Variants in ARHGEF11 observed in about 807,000 individuals in gnomAD.
The protein encoded by ARHGEF11 is Rho guanine exchange factor (GEF) 11.
Under a neutral mutation model 193.7 loss-of-function variants are expected in ARHGEF11, and 55 were observed. The ratio of observed to expected loss-of-function variants is 0.28; its 90% CI spans 0.23 to 0.36. ARHGEF11 has a LOEUF of 0.36. Ranked by LOEUF, ARHGEF11 falls within the 10% of genes least tolerant of loss-of-function variation. ARHGEF11 has a pLI of 1.00. For missense variants in ARHGEF11, 1,723 were observed against 2,005.6 expected, an observed-to-expected ratio of 0.86 and a Z score of 2.69; for synonymous variants, 693 against 768.0, an observed-to-expected ratio of 0.90 and a Z score of 1.62.
At chr1:156,989,617 C>T (rs928022577) in intron 1 of ARHGEF11, among the ~76,000 whole-genome samples, 4 of 152,184 alleles carry the variant, frequency 2.6e-5, no homozygotes, top group African/African-American at 9.7e-5. Flanking sequence ...TACTCATTCC[C>T]ACCTCTGACT....
intron 37 of ARHGEF11, 180 bp downstream of exon 37, chr1:156,939,368 C>T (rs1417313002): frequency 1.6e-5 from 13 of 797,870 alleles, no homozygotes; most frequent in Admixed American, 8.0e-5. Flanking sequence ...CTCTGAATCT[C>T]GAATGTCCAA....
intron 40 of ARHGEF11, among the ~76,000 whole-genome samples, chr1:156,936,497 A>AAAAAAAAATATAT (rs370282821): frequency 2.9e-5 from 1 of 33,938 alleles, no homozygotes. Flanking sequence ...AAAAAAAAAA[A>AAAAAAAAATATAT]ATATATATAT....
intron 1 of ARHGEF11, among the ~76,000 whole-genome samples, chr1:157,026,118 T>C (rs554685691): frequency 6.6e-6 from 1 of 152,304 alleles, no homozygotes; most frequent in South Asian, 2.1e-4. Context: ...ATGACGTAAG[T>C]ATCATTCTGC....
intron 38 of ARHGEF11, 91 bp from the exon 39 acceptor site, chr1:156,937,587 A>C: frequency 7.3e-7 from 1 of 1,376,136 alleles, no homozygotes; most frequent in Non-Finnish European, 9.8e-7. Context: ...GCCACCTGAC[A>C]GAGCAGGCCA....
At chr1:157,021,297 G>A (rs1009979121) in intron 1 of ARHGEF11, among the ~76,000 whole-genome samples, 11 of 152,174 alleles carry the variant, frequency 7.2e-5, no homozygotes, top group Admixed American at 3.9e-4. Context: ...TCAAGTATGT[G>A]TCAAGTATTT....
At position 156,942,822 on chromosome 1, in the gene ARHGEF11, G is replaced by A. The variant is rs1460526375; in HGVS notation, c.3236-42C>T. On this transcript the variant is annotated intron_variant, in intron 32 of 40. Coordinates refer to ENST00000368194, the MANE Select transcript of ARHGEF11 (RefSeq NM_198236.3). ...AGGTAGAAGGGTCTGTACTAGGGAT[G>A]GCAGGTGTGACTGCAGCCTGGGCCA... The A allele has an allele frequency of 6.4e-6, 10 of 1,563,224 alleles. No individual in the cohort carries two copies. The South Asian group carries it at 7.8e-5, about 12-fold the overall frequency.
chr1:156,938,514 C>A lies in ARHGEF11; in HGVS notation c.4097-1G>T, dbSNP rs1428024163. 10 of 1,612,268 alleles carry A rather than the reference C, an allele frequency of 6.2e-6. No individual in the cohort carries two copies. The highest frequency in any genetic ancestry group is 6.8e-6 in the Non-Finnish European group (8 of 1,178,828). ...ACAACCTTGCTGCCTGCCACCTCAG[C>A]TGCACCGACACCACCACCACCAGGA... On this transcript the variant is annotated splice_acceptor_variant, in intron 37 of 40. Transcript: ENST00000368194. LOFTEE classifies it high-confidence loss of function.
chr1:156,970,600 T>C (rs1412706904), intron 8 of ARHGEF11, among the ~76,000 whole-genome samples: 1 of 152,212 alleles, frequency 6.6e-6, no homozygotes, highest in Non-Finnish European at 1.5e-5. Context: ...AGATCTTAAG[T>C]AACTTGCCCA....
rs1313005505 is a variant in ARHGEF11, at chr1:157,036,148, AATAC to A, written c.32+8147_32+8150del. The stretch of plus-strand genomic sequence containing the variant: ...ATGAAAATATATATATGAATATATG[AATAC>A]ATATATGAATATATATATGAATACA... On this transcript the variant is annotated intron_variant, in intron 1 of 40. Transcript: ENST00000368194. Among the ~76,000 whole-genome samples the A allele has an allele frequency of 1.8e-4, 26 of 144,286 alleles. No individual in the cohort carries two copies. In the East Asian group the frequency reaches 5.0e-3, roughly 28 times the overall value. 94.7% of individuals were successfully genotyped at this position (144,286 alleles called of 152,430 possible). A position where few individuals can be genotyped will look rare whatever the true frequency, so the allele number is the denominator to read the frequency against.
At chr1:156,960,545 C>G (rs1002198226) in intron 14 of ARHGEF11, 85 bp from the exon 15 acceptor site, 14 of 1,315,042 alleles carry the variant, frequency 1.1e-5, no homozygotes, top group African/African-American at 1.5e-5. Flanking sequence ...GAGGGCTTGG[C>G]CACATGAACT....
At chr1:157,025,381 G>A (rs991679318) in intron 1 of ARHGEF11, among the ~76,000 whole-genome samples, 6 of 152,198 alleles carry the variant, frequency 3.9e-5, no homozygotes, top group African/African-American at 1.4e-4. Flanking sequence ...AGTAGGTGTA[G>A]ATGCTGACTG....
At chr1:157,005,055 C>A (rs115324424) in intron 1 of ARHGEF11, among the ~76,000 whole-genome samples, 188 of 152,320 alleles carry the variant, frequency 1.2e-3, no homozygotes, top group African/African-American at 4.3e-3. Context: ...AATGCCAGGC[C>A]TTGCCTTCGT....
chr1:156,980,413 G>A (rs1390415201), intron 4 of ARHGEF11, 24 bp downstream of exon 4: 3 of 1,599,348 alleles, frequency 1.9e-6, no homozygotes, highest in South Asian at 1.1e-5. Flanking sequence ...GCTGGGAGTG[G>A]GAGTGTGTGT....
intron 1 of ARHGEF11, among the ~76,000 whole-genome samples, chr1:156,989,668 T>C (rs1201814436): frequency 6.6e-6 from 1 of 152,198 alleles, no homozygotes; most frequent in African/African-American, 2.4e-5. Flanking sequence ...CATCTCCTAC[T>C]ACTTTTTCAA....
chr1:157,025,107 T>C (rs551037570), intron 1 of ARHGEF11, among the ~76,000 whole-genome samples: 15 of 152,330 alleles, frequency 9.8e-5, no homozygotes, highest in African/African-American at 3.4e-4. Flanking sequence ...AGTCAATTAA[T>C]TGCCAAATAA....
Position 156,938,430 on chromosome 1 carries a change from T to C in ARHGEF11, c.4180A>G (p.Thr1394Ala). The change falls in exon 38 of 41, where the codon ACA becomes GCA. Residue 1394 changes from threonine (T) to alanine (A), a missense_variant. Around this residue, in one of 5 missense-constraint regions of ARHGEF11, gnomAD observed 360 missense variants for 344.4 expected, o/e 1.05. Coordinates refer to ENST00000368194, the MANE Select transcript of ARHGEF11 (RefSeq NM_198236.3). ...EPGPPEVEGG[T>A]KATGNCFYVS... ...AGAAAGTTATTACCCGTAGCCTTTG[T>C]TCCGCCTTCCACTTCAGGTGGCCCA... 6.2e-7 allele frequency: 1 copy of C among 1,613,774 alleles called. No homozygotes were observed.
Position 156,947,855 on chromosome 1 carries a change from T to C in ARHGEF11, c.2255A>G (p.Asp752Gly), listed in dbSNP as rs778062792. Reference sequence around the variant, plus strand: ...CACTGTATGCTGCCAATTTTGGGCATCTGGCTCTGGCTCCAGGTCAGACAG... The same window carrying C: ...CACTGTATGCTGCCAATTTTGGGCACCTGGCTCTGGCTCCAGGTCAGACAG... ...GQLSDLEPEP[D>G]AQNWQHTVGK... Residue 752 changes from aspartate (D) to glycine (G), a missense_variant, in exon 25 of 41, where the codon GAT becomes GGT. Asp to Gly is a moderately conservative substitution (Grantham distance 94, BLOSUM62 -1). This residue lies in a region of ARHGEF11 where 491 missense variants were observed against 654.5 expected (regional missense o/e 0.75). Coordinates refer to ENST00000368194, the MANE Select transcript of ARHGEF11 (RefSeq NM_198236.3). 2.5e-6 allele frequency: 4 copies of C among 1,614,138 alleles called. No homozygotes were observed. Among genetic ancestry groups the C allele is most frequent in the South Asian group, 1.1e-5 (1 of 91,068 alleles).
At chr1:157,011,993 G>C (rs910856663) in intron 1 of ARHGEF11, among the ~76,000 whole-genome samples, 8 of 152,076 alleles carry the variant, frequency 5.3e-5, no homozygotes, top group African/African-American at 1.7e-4. Context: ...ATACCCAAGA[G>C]AAGTGAAAAG....
At chr1:156,981,107 C>G (rs887306898) in intron 3 of ARHGEF11, among the ~76,000 whole-genome samples, 15 of 151,966 alleles carry the variant, frequency 9.9e-5, no homozygotes, top group Middle Eastern at 3.2e-3. Context: ...CAGCTCACTA[C>G]AGACTGGATC....
Sources: allele counts gnomAD v4.1 joint callset (sites outside exome capture counted in the v4.1 genomes callset), GRCh38; gene constraint gnomAD v4.1.1; regional missense constraint gnomAD v4.1.1; transcripts MANE v1.5; gene names NCBI Gene and HGNC (gene_info 2026-07-23, HGNC 2026-07-21).